Variants in GOSR1 observed in about 807,000 individuals in gnomAD.
The protein encoded by GOSR1 is 28 kDa Golgi SNARE protein.
Under a neutral mutation model 35.5 loss-of-function variants are expected in GOSR1, and 21 were observed. The observed-to-expected ratio is 0.59, with a 90% confidence interval of 0.42 to 0.85. The LOEUF (loss-of-function observed/expected upper bound fraction) is 0.85. Among genes scored for constraint, GOSR1 ranks in the 40% least tolerant of loss-of-function variants. The pLI, the probability that GOSR1 is intolerant of heterozygous loss-of-function variation, is 0.00. For synonymous variants in GOSR1, 94 were observed against 106.6 expected (o/e 0.88, Z 0.73); for missense variants, 285 against 309.6 (o/e 0.92, Z 0.60).
At chr17:30,511,974 G>C (rs1301366735) in intron 7 of GOSR1, among the ~76,000 whole-genome samples, 1 of 152,146 alleles carries the variant, frequency 6.6e-6, no homozygotes, top group African/African-American at 2.4e-5. Context: ...TAAGTAATTT[G>C]CCTGTGGTCA....
rs1393768178 is a variant in GOSR1 at position 30,524,078 on chromosome 17, G to GC, written c.*1701dup. The GC allele has an allele frequency of 5.6e-6, 1 of 178,534 alleles. No individual in the cohort carries two copies. The highest frequency in any genetic ancestry group is 1.1e-5 in the Non-Finnish European group (1 of 89,300). 11.1% of individuals were successfully genotyped at this position (178,534 alleles called of 1,614,324 possible). A position where few individuals can be genotyped will look rare whatever the true frequency, so the allele number is the denominator to read the frequency against. On this transcript the variant is annotated 3_prime_UTR_variant, in exon 9 of 9. Transcript: ENST00000451249. The stretch of plus-strand genomic sequence containing the variant: ...TCAAGTACCCAGGGACACAAACACT[G>GC]CGGAAGGCGGCAGGGTCCTCTGCCT...
Position 30,523,537 on chromosome 17 carries a change from C to CCCCCGCCCGGCCAGCCG in GOSR1, c.*1165_*1181dup, listed in dbSNP as rs1168425183. 6.5e-6 allele frequency: 1 copy of CCCCCGCCCGGCCAGCCG among 153,346 alleles called. No homozygotes were observed. The highest frequency in any genetic ancestry group is 1.9e-4 in the East Asian group (1 of 5,210). The allele number at this position is 153,346 out of a possible 1,614,324, so 9.5% of individuals were successfully genotyped here. On this transcript the variant is annotated 3_prime_UTR_variant, in exon 9 of 9. Transcript: ENST00000451249. Reference sequence around the variant, plus strand: ...CCGGGAGGGAGGTGGGGGGGTCAGCCCCCCGCCCGGCCAGCCGCCCCGTCC... The same window carrying CCCCCGCCCGGCCAGCCG: ...CCGGGAGGGAGGTGGGGGGGTCAGCCCCCCGCCCGGCCAGCCGCCCCGCCCGGCCAGCCGCCCCGTCC...
intron 6 of GOSR1, among the ~76,000 whole-genome samples, chr17:30,509,583 C>T (rs80032606): frequency 0.028 from 4,323 of 152,298 alleles, 204 homozygotes; most frequent in African/African-American, 0.098. Context: ...CTACTGTGTA[C>T]TTTATGCCAA....
At chr17:30,511,688 C>G (rs892324474) in intron 7 of GOSR1, among the ~76,000 whole-genome samples, 1 of 152,040 alleles carries the variant, frequency 6.6e-6, no homozygotes, top group Non-Finnish European at 1.5e-5. Context: ...TCCCACCATG[C>G]CTGGCTAATT....
At chr17:30,495,955 T>G (rs1966983157) in intron 6 of GOSR1, among the ~76,000 whole-genome samples, 1 of 152,236 alleles carries the variant, frequency 6.6e-6, no homozygotes, top group Non-Finnish European at 1.5e-5. Flanking sequence ...CTAGCCCTGT[T>G]TAGTTCTCAT....
intron 5 of GOSR1, among the ~76,000 whole-genome samples, chr17:30,491,917 A>C (rs182561710): frequency 1.2e-4 from 18 of 152,208 alleles, no homozygotes; most frequent in African/African-American, 4.1e-4. Context: ...CCTGAGTCCA[A>C]TGTGTTCTTG....
chr17:30,502,926 C>G (rs1967268103), intron 6 of GOSR1, among the ~76,000 whole-genome samples: 1 of 152,214 alleles, frequency 6.6e-6, no homozygotes, highest in African/African-American at 2.4e-5. Context: ...TCTTAAGGAT[C>G]TCTCTGGTTA....
chr17:30,490,486 C>T (rs1914971305), intron 5 of GOSR1: 1 of 264,400 alleles, frequency 3.8e-6, no homozygotes, highest in Non-Finnish European at 7.3e-6. Flanking sequence ...GGTGGTTCTT[C>T]ATGGTTCTCT....
intron 4 of GOSR1, among the ~76,000 whole-genome samples, chr17:30,489,889 T>A (rs1385243306): frequency 6.6e-6 from 1 of 152,196 alleles, no homozygotes; most frequent in Non-Finnish European, 1.5e-5. Flanking sequence ...TACTAGGAGG[T>A]ACAAAGGATA....
chr17:30,515,840 A>G (rs1967787554), intron 7 of GOSR1, among the ~76,000 whole-genome samples: 1 of 152,216 alleles, frequency 6.6e-6, no homozygotes, highest in Non-Finnish European at 1.5e-5. Flanking sequence ...CTCCACATGA[A>G]CAGATATTTT....
intron 6 of GOSR1, among the ~76,000 whole-genome samples, chr17:30,509,852 A>G (rs1470791522): frequency 6.6e-6 from 1 of 152,210 alleles, no homozygotes; most frequent in Non-Finnish European, 1.5e-5. Context: ...TTAAGATGTA[A>G]ATATTTACTA....
In GOSR1 at chr17:30,517,964, A is replaced by G. The variant is rs138027224; in HGVS notation, c.540-1975A>G. ...CTATGAGAGCCTCTTAAGCAATGGC[A>G]TATCAGGCAGTGATGCATCCATCAC... On this transcript the variant is annotated intron_variant, in intron 7 of 8. Transcript: ENST00000451249. 7.7e-3 allele frequency among the ~76,000 whole-genome samples: 1,169 copies of G among 152,264 alleles called. 6 individuals carry two copies. Among genetic ancestry groups the G allele is most frequent in the Non-Finnish European group, 0.012 (818 of 68,012 alleles).
intron 6 of GOSR1, among the ~76,000 whole-genome samples, chr17:30,500,399 T>C (rs1374485462): frequency 6.6e-6 from 1 of 152,236 alleles, no homozygotes. Flanking sequence ...TTCACTTTTG[T>C]GTGTGGTGTA....
chr17:30,514,912 A>T (rs1003014073), intron 7 of GOSR1, among the ~76,000 whole-genome samples: 1 of 152,210 alleles, frequency 6.6e-6, no homozygotes, highest in African/African-American at 2.4e-5. Context: ...ACAGATACAC[A>T]CATTTATGTG....
In GOSR1 at chr17:30,477,441, C is replaced by A; in HGVS notation, c.8C>A (p.Ala3Glu). Residue 3 changes from alanine to glutamate, a missense_variant, in exon 1 of 9, where the codon GCA becomes GAA. Physicochemically the swap from Ala to Glu is moderately radical, Grantham distance 107 (BLOSUM62 -1). Coordinates refer to ENST00000451249, the MANE Select transcript of GOSR1 (RefSeq NM_001007025.2). Reference sequence around the variant, plus strand: ...TGACGTTGGACGACAAAGATGGCGGCAGGGACCAGCAGTTACTGGGAAGGT... The same window carrying A: ...TGACGTTGGACGACAAAGATGGCGGAAGGGACCAGCAGTTACTGGGAAGGT... MA[A>E]GTSSYWEDLR... 1.2e-6 allele frequency: 2 copies of A among 1,608,870 alleles called. No individual in the cohort carries two copies. The highest frequency in any genetic ancestry group is 1.7e-6 in the Non-Finnish European group (2 of 1,177,068).
In GOSR1 at chr17:30,481,198, C is replaced by A; in HGVS notation, c.87C>A (p.Ser29=). Residue 29 remains serine, a synonymous_variant, in exon 2 of 9, where the codon TCC becomes TCA. Coordinates refer to ENST00000451249, the MANE Select transcript of GOSR1 (RefSeq NM_001007025.2). The part of the protein sequence containing the change: ...LENELDLKLV[S]FSKLCTSYSH... ...ATGAACTTGACCTGAAACTAGTTTC[C>A]TTCAGCAAACTATGTACAAGTTACA... 1 of 1,603,488 alleles carries A rather than the reference C, an allele frequency of 6.2e-7. No individual in the cohort carries two copies. Among genetic ancestry groups the A allele is most frequent in the Non-Finnish European group, 8.5e-7 (1 of 1,170,326 alleles).
At chr17:30,488,527 G>A (rs562425778) in intron 4 of GOSR1, among the ~76,000 whole-genome samples, 2 of 149,948 alleles carry the variant, frequency 1.3e-5, no homozygotes, top group East Asian at 4.0e-4. Context: ...AATGTTTATT[G>A]GCAGTATTTT....
At chr17:30,487,956 A>G (rs1914783015) in intron 4 of GOSR1, among the ~76,000 whole-genome samples, 1 of 151,464 alleles carries the variant, frequency 6.6e-6, no homozygotes, top group Non-Finnish European at 1.5e-5. Flanking sequence ...TTGTATTTTT[A>G]GTAGAGATGG....
At chr17:30,481,284 C>T in intron 2 of GOSR1, 27 bp downstream of exon 2, 5 of 1,562,794 alleles carry the variant, frequency 3.2e-6, no homozygotes, top group South Asian at 1.1e-5. Context: ...ATTCTGTCTC[C>T]TATGCCTTAA....
Sources: gnomAD v4.1 joint callset for allele counts (sites outside exome capture counted in the v4.1 genomes callset) on GRCh38, gnomAD v4.1.1 for gene constraint, MANE v1.5 for transcripts, NCBI Gene and HGNC (gene_info 2026-07-23, HGNC 2026-07-21) for gene names.